TDRD10: variants seen among roughly 807,000 people sequenced by gnomAD.
TDRD10 encodes the protein tudor domain containing 10.
TDRD10 carries 40 observed loss-of-function variants against 48.0 expected under a neutral mutation model. That is an observed-to-expected ratio of 0.83 (90% confidence interval 0.65 to 1.09). The LOEUF (loss-of-function observed/expected upper bound fraction) is 1.09, where lower values mean the gene tolerates loss of function less well. Ranked by LOEUF, TDRD10 falls within the 50% of genes least tolerant of loss-of-function variation. The pLI is 0.00. For missense variants in TDRD10, 378 were observed against 434.7 expected (o/e 0.87, Z 1.16); for synonymous variants, 162 against 170.4 (o/e 0.95, Z 0.38).
intron 5 of TDRD10, among the ~76,000 whole-genome samples, chr1:154,520,828 C>T (rs1382195668): frequency 6.9e-6 from 1 of 145,522 alleles, no homozygotes; most frequent in East Asian, 2.0e-4. Flanking sequence ...ACTTCCACCT[C>T]CTAGGCTTAA....
rs200925256 is a variant in TDRD10, at chr1:154,528,231, A to T, written c.369+6752A>T. 6.1e-3 allele frequency among the ~76,000 whole-genome samples: 533 copies of T among 87,838 alleles called. 1 individual carries two copies. Among genetic ancestry groups the T allele is most frequent in the African/African-American group, 0.015 (386 of 26,100 alleles). The allele number at this position is 87,838 out of a possible 152,430, so 57.6% of individuals were successfully genotyped here. A position where few individuals can be genotyped will look rare whatever the true frequency, so the allele number is the denominator to read the frequency against. ...TCGTCTCTTAAAAAAAAAAAAAAAA[A>T]TTTTTTTTTGAGATGGAGTCTTGCT... On this transcript the variant is annotated intron_variant, in intron 6 of 12. Coordinates refer to ENST00000368482, the MANE Select transcript of TDRD10 (RefSeq NM_182499.4).
Position 154,538,414 on chromosome 1 carries a change from G to A in TDRD10, c.370-3610G>A, listed in dbSNP as rs538898693. Among the ~76,000 whole-genome samples, 289 of 152,048 alleles carry A rather than the reference G, an allele frequency of 1.9e-3. 1 individual carries two copies. Among genetic ancestry groups the A allele is most frequent in the African/African-American group, 6.7e-3 (276 of 41,434 alleles). ...ATACACAAAAAATTAGCTGGGTATG[G>A]TGGCGCATGCCTGTAATCCCAGCTA... On this transcript the variant is annotated intron_variant, in intron 6 of 12. Coordinates refer to ENST00000368482, the MANE Select transcript of TDRD10 (RefSeq NM_182499.4).
rs1201363050 is a variant in TDRD10, at chr1:154,502,870, C to T, written c.-187C>T. 2 of 152,286 alleles carry T rather than the reference C, an allele frequency of 1.3e-5. No homozygotes were observed. The highest frequency in any genetic ancestry group is 2.9e-5 in the Non-Finnish European group (2 of 68,104). 9.4% of individuals were successfully genotyped at this position (152,286 alleles called of 1,614,324 possible). A position where few individuals can be genotyped will look rare whatever the true frequency, so the allele number is the denominator to read the frequency against. The stretch of plus-strand genomic sequence containing the variant: ...CGTTACTCTTCGGTGGCACACGGTC[C>T]TGGGCAGCGCGAGGCTCTTCCCGCC... On this transcript the variant is annotated 5_prime_UTR_variant, in exon 1 of 13. Transcript: ENST00000368482.
intron 6 of TDRD10, among the ~76,000 whole-genome samples, chr1:154,534,827 A>G (rs1694835738): frequency 6.7e-6 from 1 of 150,166 alleles, no homozygotes; most frequent in African/African-American, 2.4e-5. Context: ...CACAACACGC[A>G]TCCAGGCAGT....
intron 4 of TDRD10, among the ~76,000 whole-genome samples, chr1:154,518,534 TCTC>T (rs2149323431): frequency 6.6e-6 from 1 of 152,224 alleles, no homozygotes; most frequent in South Asian, 2.1e-4. Context: ...TTCACGCCAT[TCTC>T]CTGCCTCAGC....
intron 10 of TDRD10, 127 bp from the exon 11 acceptor site, chr1:154,544,668 G>C: frequency 1.4e-6 from 2 of 1,477,376 alleles, no homozygotes; most frequent in Middle Eastern, 2.1e-4. Flanking sequence ...TCAAGGATTG[G>C]GGAGAAACAG....
intron 8 of TDRD10, 47 bp from the exon 9 acceptor site, chr1:154,543,916 C>G: frequency 6.2e-7 from 1 of 1,607,106 alleles, no homozygotes; most frequent in Non-Finnish European, 8.5e-7. Context: ...CCTTTCCTTG[C>G]GTTGGTCCAG....
intron 11 of TDRD10, among the ~76,000 whole-genome samples, chr1:154,545,194 C>T (rs1021008982): frequency 3.3e-5 from 5 of 152,188 alleles, no homozygotes; most frequent in African/African-American, 1.2e-4. Flanking sequence ...GCTGAGTTCT[C>T]TGGAAGGGGA....
chr1:154,543,938 C>T (rs1222145048), intron 8 of TDRD10, 25 bp from the exon 9 acceptor site: 2 of 1,612,476 alleles, frequency 1.2e-6, no homozygotes, highest in Non-Finnish European at 1.7e-6. Flanking sequence ...CGTTCCTTTC[C>T]TTGCTCCCCT....
chr1:154,544,463 G>C lies in TDRD10; in HGVS notation c.743G>C (p.Gly248Ala), dbSNP rs746851912. 6.2e-7 allele frequency: 1 copy of C among 1,613,162 alleles called. No individual in the cohort carries two copies. The highest frequency in any genetic ancestry group is 8.5e-7 in the Non-Finnish European group (1 of 1,179,842). Residue 248 changes from glycine (G) to alanine (A), a missense_variant, in exon 10 of 13, where the codon GGG (glycine) becomes GCG (alanine). Transcript: ENST00000368482. The part of the protein sequence containing the change: ...PYLEGSTVMR[G>A]TRCLAEYHLG... ...CTGGAGGGCTCCACCGTTATGCGCGGGACTCGCTGTCTGGCAGAGTACCAC... is the reference window on the plus strand; with the variant it reads ...CTGGAGGGCTCCACCGTTATGCGCGCGACTCGCTGTCTGGCAGAGTACCAC...
chr1:154,509,900 C>G (rs1371926396), intron 4 of TDRD10: 17 of 980,546 alleles, frequency 1.7e-5, no homozygotes, highest in Admixed American at 6.2e-5. Flanking sequence ...TGCCACCTCT[C>G]TCTTCCCCCC....
At chr1:154,521,735 C>G (rs1047222501) in intron 6 of TDRD10, among the ~76,000 whole-genome samples, 1 of 152,208 alleles carries the variant, frequency 6.6e-6, no homozygotes, top group Non-Finnish European at 1.5e-5. Context: ...GCAATTCAGT[C>G]AGGGCTTTTT....
intron 4 of TDRD10, among the ~76,000 whole-genome samples, chr1:154,517,893 AC>A (rs1482920846): frequency 6.6e-6 from 1 of 152,204 alleles, no homozygotes; most frequent in Non-Finnish European, 1.5e-5. Flanking sequence ...TCAGGGCCAC[AC>A]GGTCCTCACC....
intron 6 of TDRD10, among the ~76,000 whole-genome samples, chr1:154,521,892 G>A (rs1395310770): frequency 2.6e-5 from 4 of 152,050 alleles, no homozygotes; most frequent in South Asian, 2.1e-4. Context: ...GAAGATAAAC[G>A]TTGCCAAATA....
At chr1:154,513,714 C>T (rs1693601210) in intron 4 of TDRD10, among the ~76,000 whole-genome samples, 1 of 152,112 alleles carries the variant, frequency 6.6e-6, no homozygotes, top group Non-Finnish European at 1.5e-5. Context: ...TTAAAAAACA[C>T]CTATGCTAGT....
chr1:154,506,800 C>A, intron 1 of TDRD10, 77 bp from the exon 2 acceptor site: 1 of 1,301,118 alleles, frequency 7.7e-7, no homozygotes, highest in Non-Finnish European at 1.1e-6. Context: ...ATTCTGCTTA[C>A]CACAGTACCT....
intron 11 of TDRD10, among the ~76,000 whole-genome samples, chr1:154,545,489 T>C (rs1695498428): frequency 6.6e-6 from 1 of 152,166 alleles, no homozygotes; most frequent in Non-Finnish European, 1.5e-5. Flanking sequence ...GATGAAAGAA[T>C]GTTTTAGGGG....
At chr1:154,506,293 C>A (rs532396999) in intron 1 of TDRD10, among the ~76,000 whole-genome samples, 64 of 152,210 alleles carry the variant, frequency 4.2e-4, no homozygotes, top group African/African-American at 1.4e-3. Context: ...CTTGCGGCCC[C>A]TTCCTCCATC....
chr1:154,535,383 GA>G (rs1694868992), intron 6 of TDRD10, among the ~76,000 whole-genome samples: 1 of 144,746 alleles, frequency 6.9e-6, no homozygotes, highest in Non-Finnish European at 1.5e-5. Flanking sequence ...AAAAAAAAAA[GA>G]GAGAGAGAAT....
Sources: allele counts gnomAD v4.1 joint callset (sites outside exome capture counted in the v4.1 genomes callset), GRCh38; gene constraint gnomAD v4.1.1; transcripts MANE v1.5; gene names NCBI Gene and HGNC (gene_info 2026-07-23, HGNC 2026-07-21).